The following PDXK variants were observed in gnomAD, a reference collection of about 807,000 sequenced individuals.
PDXK encodes epididymis secretory sperm binding protein Li 1a.
Under a neutral mutation model 43.2 loss-of-function variants are expected in PDXK, and 15 were observed. The observed-to-expected ratio is 0.35, with a 90% CI of 0.23 to 0.53. The LOEUF is 0.53. Ranked by LOEUF, PDXK falls within the 20% of genes least tolerant of loss-of-function variation. The pLI is 0.92. For missense variants in PDXK, 343 were observed against 417.0 expected (o/e 0.82, Z 1.54); for synonymous variants, 172 against 165.4 (o/e 1.04, Z -0.31).
In PDXK at chr21:43,749,154, G is replaced by T. The variant is rs1363546737; in HGVS notation, c.464+74G>T. ...GGTCTCGCTCTTGTCACCCAGGCTG[G>T]AGTGCAGTGGCACGATCACAGCTCA... On this transcript the variant is annotated intron_variant, in intron 6 of 10. Coordinates refer to ENST00000291565, the MANE Select transcript of PDXK (RefSeq NM_003681.5). The T allele has an allele frequency of 8.0e-6, 7 of 878,436 alleles. No individual in the cohort carries two copies. The African/African-American group carries it at 1.0e-4, about 13-fold the overall frequency. 54.4% of individuals were successfully genotyped at this position (878,436 alleles called of 1,614,324 possible).
At chr21:43,720,901 G>C (rs950162115) in intron 1 of PDXK, among the ~76,000 whole-genome samples, 1 of 152,176 alleles carries the variant, frequency 6.6e-6, no homozygotes, top group African/African-American at 2.4e-5. Flanking sequence ...TGGGCAAACT[G>C]TTTCCTTCTT....
intron 9 of PDXK, 41 bp from the exon 10 acceptor site, chr21:43,755,657 G>T: frequency 6.5e-7 from 1 of 1,534,564 alleles, no homozygotes; most frequent in Non-Finnish European, 9.0e-7. Context: ...GTCGGGTGTT[G>T]TGAGTGGGCC....
intron 3 of PDXK, 54 bp downstream of exon 3, chr21:43,741,825 G>T (rs980515567): frequency 1.6e-6 from 2 of 1,255,766 alleles, no homozygotes; most frequent in Non-Finnish European, 1.2e-6. Flanking sequence ...TCCAGCCAGG[G>T]TGGGCTCAGG....
Position 43,737,128 on chromosome 21 carries a change from G to A in PDXK, c.142+3005G>A, listed in dbSNP as rs2083417840. The stretch of plus-strand genomic sequence containing the variant: ...CCAGGGTTGTTACTGGGGTGGTCAC[G>A]TGGGCAGCTTCTGCCTGGGATGGGC... On this transcript the variant is annotated intron_variant, in intron 2 of 10. Transcript: ENST00000291565. This position sits in a 1 kb window ranked among gnomAD's most constrained non-coding sequence, Gnocchi z 4.8. 5.5e-6 allele frequency: 7 copies of A among 1,279,800 alleles called. No homozygotes were observed. The highest frequency in any genetic ancestry group is 4.1e-5 in the Admixed American group (2 of 48,756). 79.3% of individuals were successfully genotyped at this position (1,279,800 alleles called of 1,614,324 possible). A position where few individuals can be genotyped will look rare whatever the true frequency, so the allele number is the denominator to read the frequency against.
intron 7 of PDXK, among the ~76,000 whole-genome samples, chr21:43,750,813 C>T (rs559948803): frequency 1.3e-4 from 19 of 143,738 alleles, no homozygotes; most frequent in East Asian, 6.2e-4. Flanking sequence ...CGTGTGTGCG[C>T]GCACCCATGT....
intron 1 of PDXK, chr21:43,719,926 G>T (rs1737434344): frequency 1.0e-6 from 1 of 985,406 alleles, no homozygotes; most frequent in Non-Finnish European, 1.2e-6. Flanking sequence ...ATTCCCCTCG[G>T]CCTGACCACG....
chr21:43,725,584 T>C (rs891273348), intron 1 of PDXK, among the ~76,000 whole-genome samples: 25 of 151,892 alleles, frequency 1.6e-4, no homozygotes, highest in Non-Finnish European at 3.4e-4. Flanking sequence ...CTGAGGTGGG[T>C]GGATCACCTG....
At position 43,756,752 on chromosome 21, in the gene PDXK, G is replaced by C. The variant is rs1237316060; in HGVS notation, c.*689G>C. On this transcript the variant is annotated 3_prime_UTR_variant, in exon 11 of 11. Transcript: ENST00000291565. ...TCTGCAGACCTCTCAGCTACCCGCGGGACCTCTTGTAACCCATCGGCATCT... is the reference window on the plus strand; with the variant it reads ...TCTGCAGACCTCTCAGCTACCCGCGCGACCTCTTGTAACCCATCGGCATCT... The C allele has an allele frequency of 6.6e-6, 1 of 152,228 alleles. No individual in the cohort carries two copies. Among genetic ancestry groups the C allele is most frequent in the African/African-American group, 2.4e-5 (1 of 41,402 alleles). 9.4% of individuals were successfully genotyped at this position (152,228 alleles called of 1,614,324 possible). A position where few individuals can be genotyped will look rare whatever the true frequency, so the allele number is the denominator to read the frequency against.
chr21:43,741,523 G>A (rs778605192), intron 2 of PDXK, 144 bp from the exon 3 acceptor site: 2 of 1,473,466 alleles, frequency 1.4e-6, no homozygotes, highest in Non-Finnish European at 1.8e-6. Flanking sequence ...ACTGCGCCTA[G>A]TGATCTCCTT....
chr21:43,724,245 A>C (rs2083231660), intron 1 of PDXK, among the ~76,000 whole-genome samples: 1 of 152,146 alleles, frequency 6.6e-6, no homozygotes, highest in Non-Finnish European at 1.5e-5. Context: ...ACTGTGGCTC[A>C]AGCGCCCCAC....
At chr21:43,746,031 C>T (rs749129139) in intron 4 of PDXK, 48 bp from the exon 5 acceptor site, 2 of 1,450,388 alleles carry the variant, frequency 1.4e-6, no homozygotes, top group South Asian at 2.3e-5. Flanking sequence ...GGGTTTCTTA[C>T]TCGTCAGCTG....
intron 1 of PDXK, among the ~76,000 whole-genome samples, chr21:43,728,175 C>T (rs565285138): frequency 2.0e-5 from 3 of 152,212 alleles, no homozygotes; most frequent in Admixed American, 6.5e-5. Context: ...GGGCTCGGGG[C>T]CATTTCCACC....
chr21:43,755,546 A>G (rs562188067), intron 9 of PDXK, 152 bp from the exon 10 acceptor site: 5 of 697,120 alleles, frequency 7.2e-6, no homozygotes, highest in African/African-American at 3.5e-5. Context: ...CCTGTCCTCC[A>G]GGGTTCAGCA....
rs1444548535 is a variant in PDXK, at chr21:43,760,832, C to G, written c.*4769C>G. On this transcript the variant is annotated 3_prime_UTR_variant, in exon 11 of 11. Coordinates refer to ENST00000291565, the MANE Select transcript of PDXK (RefSeq NM_003681.5). ...CATCACCCACCAGGGTGCACGGTCT[C>G]TCCTGCTGGGGGCTTTCTGTCGCAT... 1 of 152,254 alleles carries G rather than the reference C, an allele frequency of 6.6e-6. No individual in the cohort carries two copies. The highest frequency in any genetic ancestry group is 6.5e-5 in the Admixed American group (1 of 15,284). 9.4% of individuals were successfully genotyped at this position (152,254 alleles called of 1,614,324 possible). A position where few individuals can be genotyped will look rare whatever the true frequency, so the allele number is the denominator to read the frequency against.
Position 43,753,597 on chromosome 21 carries a change from TCCGTGGTGATGGAACGCATC to T in PDXK, c.639_658del (p.Val214AspfsTer31), listed in dbSNP as rs746827852. The T allele has an allele frequency of 6.2e-7, 1 of 1,612,780 alleles. No individual in the cohort carries two copies. The highest frequency in any genetic ancestry group is 1.7e-5 in the Admixed American group (1 of 59,918). ...TCTCCCCCTAGGGAATCCCGCTGGC[TCCGTGGTGATGGAACGCATC>T]CGGATGGACATTCGCAAAGTGGACG... is the stretch of plus-strand genomic sequence containing the variant. On this transcript the variant is annotated frameshift_variant, in exon 9 of 11. Coordinates refer to ENST00000291565, the MANE Select transcript of PDXK (RefSeq NM_003681.5). LOFTEE classifies it high-confidence loss of function.
At chr21:43,725,714 G>T (rs2083246817) in intron 1 of PDXK, among the ~76,000 whole-genome samples, 1 of 152,142 alleles carries the variant, frequency 6.6e-6, no homozygotes, top group South Asian at 2.1e-4. Context: ...AGGAGGGTGA[G>T]GAAGGAGATT....
intron 7 of PDXK, 43 bp from the exon 8 acceptor site, chr21:43,752,475 A>T: frequency 7.4e-7 from 1 of 1,346,632 alleles, no homozygotes. Context: ...GCCGTGGCTG[A>T]CATGTGACCG....
At chr21:43,733,198 G>C (rs2276529) in intron 1 of PDXK, among the ~76,000 whole-genome samples, 39,611 of 148,114 alleles carry the variant, frequency 0.27, 6,587 homozygotes, top group African/African-American at 0.45. Flanking sequence ...ACAAAGCAAA[G>C]CCCACCCAGT....
Position 43,754,155 on chromosome 21 carries a change from G to A in PDXK, c.759+436G>A, listed in dbSNP as rs2239388. On this transcript the variant is annotated intron_variant, in intron 9 of 10. Transcript: ENST00000291565. The surrounding 1 kb of genome is among the most constrained non-coding windows in gnomAD (Gnocchi z 5.5). ...CAGTGACCTGAGGGACGGAAAGGCCGGAGCCGCCCTTCGGGGACAGTAGGT... is the reference window on the plus strand; with the variant it reads ...CAGTGACCTGAGGGACGGAAAGGCCAGAGCCGCCCTTCGGGGACAGTAGGT... Among the ~76,000 whole-genome samples the A allele has an allele frequency of 0.12, 17,989 of 152,250 alleles. 1,271 individuals carry two copies. The highest frequency in any genetic ancestry group is 0.22 in the East Asian group (1,156 of 5,174).
Sources: gnomAD v4.1 joint callset for allele counts (sites outside exome capture counted in the v4.1 genomes callset) on GRCh38, gnomAD v4.1.1 for gene constraint, Gnocchi (gnomAD v3.1) non-coding constraint, MANE v1.5 for transcripts, NCBI Gene and HGNC (gene_info 2026-07-23, HGNC 2026-07-21) for gene names.